The following ZNF543 variants were observed in gnomAD, a reference collection of about 807,000 sequenced individuals.
The protein encoded by ZNF543 is zinc finger protein 543.
ZNF543 carries 10 observed loss-of-function variants against 13.4 expected under a neutral mutation model. That is an observed-to-expected ratio of 0.75 (90% CI 0.46 to 1.26). ZNF543 has a LOEUF of 1.26. ZNF543 is among the 50% of genes most tolerant of loss of function. ZNF543 has a pLI of 0.00. For missense variants in ZNF543, 768 were observed against 741.2 expected, an observed-to-expected ratio of 1.04 and a Z score of -0.42; for synonymous variants, 272 against 264.7, an observed-to-expected ratio of 1.03 and a Z score of -0.27.
At chr19:57,324,320 C>T (rs988153499) in intron 2 of ZNF543, among the ~76,000 whole-genome samples, 2 of 149,212 alleles carry the variant, frequency 1.3e-5, no homozygotes, top group Admixed American at 6.7e-5. Context: ...CACTACACTC[C>T]AGCCCAGGCG....
chr19:57,329,248 G>A lies in ZNF543; in HGVS notation c.1786G>A (p.Glu596Lys). ...LGKEFLNITT[E>K]ENLW ...GAAAGAGTTTTTGAATATCACCACT[G>A]AAGAAAATCTGTGGTGAAAGGGAAC... Residue 596 changes from glutamate to lysine, a missense_variant, in exon 4 of 4, where the codon GAA (glutamate) becomes AAA (lysine). Around this residue, in one of 3 missense-constraint regions of ZNF543, gnomAD observed 677 missense variants for 631.4 expected, o/e 1.07. Coordinates refer to ENST00000321545, the MANE Select transcript of ZNF543 (RefSeq NM_213598.4). 6.2e-7 allele frequency: 1 copy of A among 1,603,504 alleles called. No homozygotes were observed. The highest frequency in any genetic ancestry group is 8.5e-7 in the Non-Finnish European group (1 of 1,174,008).
chr19:57,328,991 T>C lies in ZNF543; in HGVS notation c.1529T>C (p.Ile510Thr). ...ACTGGAGAGAAACCCTATGAATGCATCCAGTGTGGGAAAGCCTTTTGCCGG... is the reference window on the plus strand; with the variant it reads ...ACTGGAGAGAAACCCTATGAATGCACCCAGTGTGGGAAAGCCTTTTGCCGG... ...IHTGEKPYEC[I>T]QCGKAFCRSA... The change falls in exon 4 of 4, where the codon ATC becomes ACC. Residue 510 changes from isoleucine to threonine, a missense_variant. Physicochemically the swap from Ile to Thr is moderately conservative, Grantham distance 89. This residue lies in a region of ZNF543 where 677 missense variants were observed against 631.4 expected (regional missense o/e 1.07). Coordinates refer to ENST00000321545, the MANE Select transcript of ZNF543 (RefSeq NM_213598.4). The C allele has an allele frequency of 6.2e-7, 1 of 1,613,968 alleles. No individual in the cohort carries two copies. Among genetic ancestry groups the C allele is most frequent in the Non-Finnish European group, 8.5e-7 (1 of 1,179,994 alleles).
At position 57,327,784 on chromosome 19, in the gene ZNF543, C is replaced by A; in HGVS notation, c.322C>A (p.Leu108Met). The A allele has an allele frequency of 1.2e-6, 2 of 1,614,090 alleles. No individual in the cohort carries two copies. Among genetic ancestry groups the A allele is most frequent in the Non-Finnish European group, 1.7e-6 (2 of 1,180,016 alleles). ...TGAGGAAGTCTTACTCCAGGAACAACTGACACAAGGAGCCTCAAAGAACTC... is the reference window on the plus strand; with the variant it reads ...TGAGGAAGTCTTACTCCAGGAACAAATGACACAAGGAGCCTCAAAGAACTC... ...LPEEVLLQEQ[L>M]TQGASKNSQL... Residue 108 changes from leucine (L) to methionine (M), a missense_variant, in exon 4 of 4, where the codon CTG (leucine) becomes ATG (methionine). Around this residue, in one of 3 missense-constraint regions of ZNF543, gnomAD observed 677 missense variants for 631.4 expected, o/e 1.07. Coordinates refer to ENST00000321545, the MANE Select transcript of ZNF543 (RefSeq NM_213598.4).
Position 57,330,215 on chromosome 19 carries a change from A to G in ZNF543, c.*950A>G, listed in dbSNP as rs1036257851. On this transcript the variant is annotated 3_prime_UTR_variant, in exon 4 of 4. Transcript: ENST00000321545. Reference sequence around the variant, plus strand: ...AGATGCTTGTTTAAAAAAATGTTTCACCATGTGTCTTTACCCAATACACAT... The same window carrying G: ...AGATGCTTGTTTAAAAAAATGTTTCGCCATGTGTCTTTACCCAATACACAT... 3 of 151,508 alleles carry G rather than the reference A, an allele frequency of 2.0e-5. No homozygotes were observed. The highest frequency in any genetic ancestry group is 7.3e-5 in the African/African-American group (3 of 41,234). The allele number at this position is 151,508 out of a possible 1,614,324, so 9.4% of individuals were successfully genotyped here.
At chr19:57,325,707 A>C (rs1352370397) in intron 2 of ZNF543, among the ~76,000 whole-genome samples, 3 of 152,160 alleles carry the variant, frequency 2.0e-5, no homozygotes, top group Non-Finnish European at 4.4e-5. Context: ...GCATGACACC[A>C]CACCCGGCTA....
chr19:57,329,447 A>C lies in ZNF543; in HGVS notation c.*182A>C, dbSNP rs1041231699. ...CCATGAGAGAGACCCAGTGGTTGCT[A>C]TGCACTTAGGAAAACTTTCAGCCAC... On this transcript the variant is annotated 3_prime_UTR_variant, in exon 4 of 4. Transcript: ENST00000321545. The C allele has an allele frequency of 4.3e-6, 3 of 696,804 alleles. No homozygotes were observed. The highest frequency in any genetic ancestry group is 6.7e-6 in the Non-Finnish European group (3 of 445,690). 43.2% of individuals were successfully genotyped at this position (696,804 alleles called of 1,614,324 possible).
chr19:57,327,710 A>C lies in ZNF543; in HGVS notation c.248A>C (p.Asn83Thr). 6.3e-7 allele frequency: 1 copy of C among 1,597,230 alleles called. No homozygotes were observed. Among genetic ancestry groups the C allele is most frequent in the South Asian group, 1.1e-5 (1 of 88,068 alleles). ...DLSQSSYPGD[N>T]TKPKTTEPTF... ...TGTATTGTGTTCGTTCCAGGTGACA[A>C]CACAAAACCCAAGACCACAGAGCCT... Residue 83 changes from asparagine to threonine, a missense_variant, in exon 4 of 4, where the codon AAC (asparagine) becomes ACC (threonine). Coordinates refer to ENST00000321545, the MANE Select transcript of ZNF543 (RefSeq NM_213598.4).
rs138502663 is a variant in ZNF543 at position 57,322,705 on chromosome 19, G to C, written c.19-977G>C. Among the ~76,000 whole-genome samples, 655 of 152,254 alleles carry C rather than the reference G, an allele frequency of 4.3e-3. 4 individuals are homozygous for C. Among genetic ancestry groups the C allele is most frequent in the Non-Finnish European group, 7.5e-3 (508 of 68,018 alleles). ...TGGAGGTCCTGGACCTCAAGTCTCT[G>C]AGTGTGACATGGAGATGATGATGGT... On this transcript the variant is annotated intron_variant, in intron 1 of 3. Coordinates refer to ENST00000321545, the MANE Select transcript of ZNF543 (RefSeq NM_213598.4).
At chr19:57,324,353 T>TG (rs1600052122) in intron 2 of ZNF543, among the ~76,000 whole-genome samples, 1 of 97,676 alleles carries the variant, frequency 1.0e-5, no homozygotes, top group South Asian at 3.0e-4. Flanking sequence ...AGACTCCGTC[T>TG]GAAAAAAAAA....
In ZNF543 at chr19:57,328,270, C is replaced by T. The variant is rs760937310; in HGVS notation, c.808C>T (p.Leu270Phe). 2.5e-6 allele frequency: 4 copies of T among 1,613,462 alleles called. No individual in the cohort carries two copies. The highest frequency in any genetic ancestry group is 2.5e-6 in the Non-Finnish European group (3 of 1,179,904). ...CGKAFNRRSH[L>F]TRHQRIHSGE... ...GAAGGCTTTTAACCGCAGGTCACAC[C>T]TCACACGGCACCAGCGGATTCACAG... Residue 270 changes from leucine (L) to phenylalanine (F), a missense_variant, in exon 4 of 4, where the codon CTC becomes TTC. Transcript: ENST00000321545.
In ZNF543 at chr19:57,320,881, C is replaced by T. The variant is rs2088086086; in HGVS notation, c.18+10C>T. On this transcript the variant is annotated intron_variant, in intron 1 of 3. Transcript: ENST00000321545. ...GGCAGCCTCGGCGCAGGTGAGTGGA[C>T]GAGGTTTTGGCCTTGCTGCTGCTCT... 1.2e-6 allele frequency: 2 copies of T among 1,614,028 alleles called. No individual in the cohort carries two copies. Among genetic ancestry groups the T allele is most frequent in the Non-Finnish European group, 1.7e-6 (2 of 1,179,978 alleles).
intron 1 of ZNF543, among the ~76,000 whole-genome samples, 154 bp downstream of exon 1, chr19:57,321,025 C>G (rs2088087064): frequency 6.6e-6 from 1 of 152,218 alleles, no homozygotes; most frequent in Non-Finnish European, 1.5e-5. Context: ...ATCCGCAGTC[C>G]TGCAATAGTG....
chr19:57,320,748 C>G lies in ZNF543; in HGVS notation c.-106C>G. 7.1e-7 allele frequency: 1 copy of G among 1,408,126 alleles called. No individual in the cohort carries two copies. The allele number at this position is 1,408,126 out of a possible 1,614,324, so 87.2% of individuals were successfully genotyped here. On this transcript the variant is annotated 5_prime_UTR_variant, in exon 1 of 4. Transcript: ENST00000321545. The stretch of plus-strand genomic sequence containing the variant: ...ATTTTTCTCTGGGGAAACTGAGGCT[C>G]CGAGTGCGAAAGTCAGCCGAGGTCG...
rs1006019261 is a variant in ZNF543, at chr19:57,320,568, G to A, written c.-286G>A. 9 of 474,424 alleles carry A rather than the reference G, an allele frequency of 1.9e-5. No individual in the cohort carries two copies. The highest frequency in any genetic ancestry group is 3.7e-5 in the Admixed American group (1 of 26,836). 29.4% of individuals were successfully genotyped at this position (474,424 alleles called of 1,614,324 possible). ...CGTCCAGCGGCCTGAGCAGGGGAGG[G>A]TAATGAGGCTGTTACGCGCCTTCTC... On this transcript the variant is annotated 5_prime_UTR_variant, in exon 1 of 4. Coordinates refer to ENST00000321545, the MANE Select transcript of ZNF543 (RefSeq NM_213598.4).
At position 57,323,813 on chromosome 19, in the gene ZNF543, G is replaced by A; in HGVS notation, c.145+5G>A. ...GCGGACTTCTCATGTCTCTGGGTAA[G>A]GCCCCTTCTGGTCCTGTGCTCCCTT... On this transcript the variant is annotated splice_donor_5th_base_variant and intron_variant, in intron 2 of 3. Transcript: ENST00000321545. 1 of 1,611,004 alleles carries A rather than the reference G, an allele frequency of 6.2e-7. No individual in the cohort carries two copies. Among genetic ancestry groups the A allele is most frequent in the East Asian group, 2.2e-5 (1 of 44,710 alleles).
chr19:57,322,718 A>G (rs1225136481), intron 1 of ZNF543, among the ~76,000 whole-genome samples: 2 of 152,016 alleles, frequency 1.3e-5, no homozygotes, highest in Non-Finnish European at 2.9e-5. Context: ...TGTGACATGG[A>G]GATGATGATG....
Position 57,328,297 on chromosome 19 carries a change from G to A in ZNF543, c.835G>A (p.Gly279Arg), listed in dbSNP as rs1192761919. The change falls in exon 4 of 4, where the codon GGA (glycine) becomes AGA (arginine). Residue 279 changes from glycine to arginine, a missense_variant. Gly to Arg is a moderately radical substitution (Grantham distance 125). Around this residue, in one of 3 missense-constraint regions of ZNF543, gnomAD observed 677 missense variants for 631.4 expected, o/e 1.07. Coordinates refer to ENST00000321545, the MANE Select transcript of ZNF543 (RefSeq NM_213598.4). ...CACACGGCACCAGCGGATTCACAGTGGAGAGAAGCCTTATAAGTGCAGTGA... is the reference window on the plus strand; with the variant it reads ...CACACGGCACCAGCGGATTCACAGTAGAGAGAAGCCTTATAAGTGCAGTGA... ...HLTRHQRIHS[G>R]EKPYKCSECG... is the part of the protein sequence containing the mutation. 1.4e-5 allele frequency: 22 copies of A among 1,613,764 alleles called. No individual in the cohort carries two copies. The highest frequency in any genetic ancestry group is 1.7e-5 in the Non-Finnish European group (20 of 1,179,962).
intron 3 of ZNF543, 142 bp downstream of exon 3, chr19:57,326,870 C>G (rs63125061): frequency 1.4e-5 from 7 of 517,200 alleles, no homozygotes; most frequent in African/African-American, 8.6e-5. Flanking sequence ...CCCGCCCGCC[C>G]CCCCCCACCC....
chr19:57,323,701 A>T lies in ZNF543; in HGVS notation c.38A>T (p.Asp13Val), dbSNP rs749666653. The change falls in exon 2 of 4, where the codon GAT (aspartate) becomes GTT (valine). Residue 13 changes from aspartate (D) to valine (V), a missense_variant. By Grantham distance (152) the Asp-to-Val change is radical. Transcript: ENST00000321545. ...ASAQVSVTFE[D>V]VAVTFTQEEW... ...TTCCAGGTGTCTGTGACCTTTGAGG[A>T]TGTGGCTGTGACATTCACCCAGGAG... is the stretch of plus-strand genomic sequence containing the variant. The T allele has an allele frequency of 1.2e-6, 2 of 1,613,450 alleles. No individual in the cohort carries two copies. Among genetic ancestry groups the T allele is most frequent in the Admixed American group, 3.3e-5 (2 of 59,994 alleles).
Sources: allele counts gnomAD v4.1 joint callset (sites outside exome capture counted in the v4.1 genomes callset), GRCh38; gene constraint gnomAD v4.1.1; regional missense constraint gnomAD v4.1.1; transcripts MANE v1.5; gene names NCBI Gene and HGNC (gene_info 2026-07-23, HGNC 2026-07-21).